Variants in NLRP5 observed in about 807,000 individuals in gnomAD.
NLRP5 encodes NLR family pyrin domain containing 5.
Under a neutral mutation model 113.1 loss-of-function variants are expected in NLRP5, and 93 were observed. The observed-to-expected ratio is 0.82, with a 90% CI of 0.70 to 0.98. NLRP5 has a LOEUF of 0.98. NLRP5 is among the 50% of genes least tolerant of loss of function. The pLI, the probability that NLRP5 is intolerant of heterozygous loss-of-function variation, is 0.00. For synonymous variants in NLRP5, 751 were observed against 600.7 expected (o/e 1.25, Z -3.66); for missense variants, 1,808 against 1,514.3 (o/e 1.19, Z -3.22).
At chr19:56,017,474 T>C (rs965853895) in intron 4 of NLRP5, among the ~76,000 whole-genome samples, 1 of 152,220 alleles carries the variant, frequency 6.6e-6, no homozygotes, top group Non-Finnish European at 1.5e-5. Context: ...TTGCTGTGTT[T>C]TGTTTCCACT....
At chr19:56,055,759 A>G (rs188210086) in intron 13 of NLRP5, among the ~76,000 whole-genome samples, 28 of 151,304 alleles carry the variant, frequency 1.9e-4, no homozygotes, top group South Asian at 1.3e-3. Flanking sequence ...GTTAGCCAGG[A>G]TGGTCTCAAT....
intron 1 of NLRP5, among the ~76,000 whole-genome samples, chr19:56,001,281 C>A (rs569201442): frequency 1.4e-5 from 2 of 142,992 alleles, no homozygotes; most frequent in African/African-American, 5.2e-5. Flanking sequence ...GCTGTGACTG[C>A]ACCACTGCAC....
At chr19:55,987,460 G>A in the NLRP5 span, among the ~76,000 whole-genome samples, 10,718 of 152,270 alleles carry the variant, frequency 0.07, 420 homozygotes, top group Middle Eastern at 0.095. Context: ...AGTCCAGAGG[G>A]TGTTTTGGTG....
chr19:56,038,661 G>T (rs140531804), intron 10 of NLRP5, among the ~76,000 whole-genome samples: 1 of 152,096 alleles, frequency 6.6e-6, no homozygotes, highest in Non-Finnish European at 1.5e-5. Flanking sequence ...TCAAAAAGGA[G>T]GAGGGTCACC....
intron 2 of NLRP5, among the ~76,000 whole-genome samples, chr19:56,007,704 T>C (rs1218983200): frequency 1.3e-5 from 2 of 151,116 alleles, no homozygotes; most frequent in East Asian, 3.9e-4. Context: ...CTTTCAGCAC[T>C]GTTGCAAAAG....
At chr19:56,041,185 G>A (rs1599903057) in intron 11 of NLRP5, 93 bp downstream of exon 11, 2 of 1,238,750 alleles carry the variant, frequency 1.6e-6, no homozygotes, top group East Asian at 4.7e-5. Context: ...GAGGGGGTGT[G>A]GACATCATCA....
intron 10 of NLRP5, 126 bp downstream of exon 10, chr19:56,038,321 T>G: frequency 9.6e-7 from 1 of 1,044,922 alleles, no homozygotes; most frequent in South Asian, 1.5e-5. Context: ...GGAAGGAAGT[T>G]GGGACCTCCC....
intron 2 of NLRP5, among the ~76,000 whole-genome samples, chr19:56,007,347 G>C (rs954578268): frequency 2.4e-5 from 3 of 125,014 alleles, no homozygotes; most frequent in African/African-American, 9.7e-5. Flanking sequence ...CTGGGCGACA[G>C]ATTGAGACTG....
At chr19:55,997,923 C>T (rs942182149), upstream of NLRP5, among the ~76,000 whole-genome samples, 1 of 152,064 alleles carries the variant, frequency 6.6e-6, no homozygotes, top group East Asian at 1.9e-4. Flanking sequence ...TCTGTTGATA[C>T]TATTTATACA....
chr19:56,012,502 C>G (rs1438438279), intron 3 of NLRP5, among the ~76,000 whole-genome samples: 1 of 135,562 alleles, frequency 7.4e-6, no homozygotes, highest in Non-Finnish European at 1.5e-5. Context: ...ATCGTAAAAT[C>G]TTGAGAATAC....
chr19:56,001,351 A>C (rs1981644364), intron 1 of NLRP5, among the ~76,000 whole-genome samples: 1 of 147,150 alleles, frequency 6.8e-6, no homozygotes, highest in African/African-American at 2.5e-5. Flanking sequence ...AAAAAACACC[A>C]CAGCTTATTG....
intron 6 of NLRP5, among the ~76,000 whole-genome samples, chr19:56,021,011 T>C (rs1982593116): frequency 6.6e-6 from 1 of 151,938 alleles, no homozygotes; most frequent in African/African-American, 2.4e-5. Context: ...GTAGCTGGGA[T>C]TACAGGCCTG....
intron 13 of NLRP5, among the ~76,000 whole-genome samples, chr19:56,057,898 G>A (rs1214787554): frequency 2.0e-5 from 3 of 151,902 alleles, no homozygotes; most frequent in Admixed American, 6.6e-5. Flanking sequence ...ATGGTGGCAC[G>A]TGCCCATAAT....
At chr19:56,059,649 CT>C (rs1411677372) in intron 14 of NLRP5, among the ~76,000 whole-genome samples, 11 of 152,180 alleles carry the variant, frequency 7.2e-5, no homozygotes, top group African/African-American at 2.7e-4. Flanking sequence ...ATTCTGCTGC[CT>C]CAGCCTCCTG....
Position 56,015,816 on chromosome 19 carries a change from A to G in NLRP5, c.565+18A>G. On this transcript the variant is annotated intron_variant, in intron 4 of 14. Coordinates refer to ENST00000390649, the MANE Select transcript of NLRP5 (RefSeq NM_153447.4). ...AGAACAAGGTGAATGAAATAGATCTATTCATTTGTTGCCCTCCTGGAAGAA... is the reference window on the plus strand; with the variant it reads ...AGAACAAGGTGAATGAAATAGATCTGTTCATTTGTTGCCCTCCTGGAAGAA... 5.2e-6 allele frequency: 8 copies of G among 1,529,584 alleles called. No individual in the cohort carries two copies. The highest frequency in any genetic ancestry group is 7.1e-6 in the Non-Finnish European group (8 of 1,129,686). 94.8% of individuals were successfully genotyped at this position (1,529,584 alleles called of 1,614,324 possible).
At chr19:56,041,270 C>T (rs1983512836) in intron 11 of NLRP5, among the ~76,000 whole-genome samples, 178 bp downstream of exon 11, 1 of 152,106 alleles carries the variant, frequency 6.6e-6, no homozygotes, top group Non-Finnish European at 1.5e-5. Flanking sequence ...AATTCTGTGT[C>T]TGCCTTTGTG....
At chr19:55,989,230 G>A in the NLRP5 span, among the ~76,000 whole-genome samples, 1 of 152,076 alleles carries the variant, frequency 6.6e-6, no homozygotes, top group African/African-American at 2.4e-5. Context: ...ATTTTTTAAT[G>A]GGAGGTACTT....
At chr19:56,024,340 T>TAAAA (rs771516465) in intron 6 of NLRP5, among the ~76,000 whole-genome samples, 1 of 110,232 alleles carries the variant, frequency 9.1e-6, no homozygotes, top group Non-Finnish European at 1.8e-5. Flanking sequence ...CATCTCTGCT[T>TAAAA]AAAAAAAAAA....
intron 7 of NLRP5, among the ~76,000 whole-genome samples, chr19:56,030,714 C>CTTCTTTTTT (rs1555767859): frequency 0.056 from 3,996 of 71,000 alleles, 360 homozygotes; most frequent in East Asian, 0.15. Context: ...CTTTCTTCTT[C>CTTCTTTTTT]TTTTTTTTTT....
Sources: gnomAD v4.1 joint callset for allele counts (sites outside exome capture counted in the v4.1 genomes callset) on GRCh38, gnomAD v4.1.1 for gene constraint, MANE v1.5 for transcripts, NCBI Gene and HGNC (gene_info 2026-07-23, HGNC 2026-07-21) for gene names.